FOXN2: variants seen among roughly 807,000 people sequenced by gnomAD.
FOXN2 encodes forkhead box protein N2.
FOXN2 carries 19 observed loss-of-function variants against 41.2 expected under a neutral mutation model. That is an observed-to-expected ratio of 0.46 (90% CI 0.32 to 0.68). The LOEUF (loss-of-function observed/expected upper bound fraction) is 0.68, where lower values mean the gene tolerates loss of function less well. FOXN2 is among the 30% of genes least tolerant of loss of function. FOXN2 has a pLI of 0.03. For synonymous variants in FOXN2, 195 were observed against 176.8 expected, an observed-to-expected ratio of 1.10 and a Z score of -0.82; for missense variants, 587 against 509.4, an observed-to-expected ratio of 1.15 and a Z score of -1.47.
intron 3 of FOXN2, among the ~76,000 whole-genome samples, chr2:48,357,147 G>A (rs540375472): frequency 1.3e-5 from 2 of 152,310 alleles, no homozygotes; most frequent in African/African-American, 4.8e-5. Context: ...GTGAAAGGAA[G>A]TGCTGCCATG....
intron 1 of FOXN2, among the ~76,000 whole-genome samples, chr2:48,316,592 A>C (rs919721161): frequency 6.6e-6 from 1 of 152,200 alleles, no homozygotes; most frequent in African/African-American, 2.4e-5. Flanking sequence ...AAAAATGTGA[A>C]GTTAATATGA....
chr2:48,373,083 A>G (rs546827038), intron 5 of FOXN2, among the ~76,000 whole-genome samples: 2 of 152,258 alleles, frequency 1.3e-5, no homozygotes, highest in Admixed American at 6.5e-5. Flanking sequence ...TTTACACTGT[A>G]TTGTTCACAA....
rs1016907506 is a variant in FOXN2 at position 48,377,429 on chromosome 2, G to A, written c.*1986G>A. On this transcript the variant is annotated 3_prime_UTR_variant, in exon 7 of 7. Transcript: ENST00000340553. ...ACAGTGTTTCAGTGATCTGGCACCA[G>A]TTTATTTTGTTCTGCTGAAATTCTG... 6.6e-6 allele frequency: 1 copy of A among 151,966 alleles called. No homozygotes were observed. Among genetic ancestry groups the A allele is most frequent in the Non-Finnish European group, 1.5e-5 (1 of 67,890 alleles). 9.4% of individuals were successfully genotyped at this position (151,966 alleles called of 1,614,324 possible). A position where few individuals can be genotyped will look rare whatever the true frequency, so the allele number is the denominator to read the frequency against.
Position 48,346,211 on chromosome 2 carries a change from G to C in FOXN2, c.-4G>C. The stretch of plus-strand genomic sequence containing the variant: ...TTTCCTTTGTTGCAGAACTGTAAGA[G>C]TAAATGGGTCCAGTAATTGGAATGA... On this transcript the variant is annotated 5_prime_UTR_variant, in exon 3 of 7. Coordinates refer to ENST00000340553, the MANE Select transcript of FOXN2 (RefSeq NM_002158.4). 1.3e-6 allele frequency: 2 copies of C among 1,597,596 alleles called. No individual in the cohort carries two copies. Among genetic ancestry groups the C allele is most frequent in the Non-Finnish European group, 1.7e-6 (2 of 1,173,188 alleles).
rs748731197 is a variant in FOXN2 at position 48,375,015 on chromosome 2, G to A, written c.868G>A (p.Asp290Asn). The A allele has an allele frequency of 2.0e-5, 33 of 1,613,906 alleles. No homozygotes were observed. The highest frequency in any genetic ancestry group is 2.7e-5 in the African/African-American group (2 of 74,920). The change falls in exon 7 of 7, where the codon GAT (aspartate) becomes AAT (asparagine). Residue 290 changes from aspartate to asparagine, a missense_variant. Physicochemically the swap from Asp to Asn is conservative, Grantham distance 23. Transcript: ENST00000340553. ...CAGTGCTGTACGATTACAAGAGAGT[G>A]ATTCTTTAGCCACCAGCATTGATCC... The part of the protein sequence containing the change: ...HPSAVRLQES[D>N]SLATSIDPKE...
intron 1 of FOXN2, among the ~76,000 whole-genome samples, chr2:48,315,865 C>T (rs539310427): frequency 6.6e-6 from 1 of 152,346 alleles, no homozygotes; most frequent in East Asian, 1.9e-4. Context: ...CTCTGAACTT[C>T]ATTTTCTCCC....
At chr2:48,359,711 G>A (rs1178677203) in intron 4 of FOXN2, among the ~76,000 whole-genome samples, 1 of 151,748 alleles carries the variant, frequency 6.6e-6, no homozygotes, top group Non-Finnish European at 1.5e-5. Flanking sequence ...CAGGAAATTG[G>A]TGACTTGAGA....
intron 2 of FOXN2, among the ~76,000 whole-genome samples, chr2:48,330,246 T>C (rs1318528164): frequency 6.6e-6 from 1 of 152,124 alleles, no homozygotes; most frequent in Admixed American, 6.5e-5. Context: ...TACCTTATTA[T>C]AATTAATAAA....
chr2:48,333,958 C>T (rs1029315103), intron 2 of FOXN2, among the ~76,000 whole-genome samples: 3 of 151,668 alleles, frequency 2.0e-5, no homozygotes, highest in African/African-American at 2.4e-5. Context: ...TATATTTGGC[C>T]CTAAGGTTTT....
At chr2:48,338,957 A>G (rs1162608751) in intron 2 of FOXN2, among the ~76,000 whole-genome samples, 1 of 152,212 alleles carries the variant, frequency 6.6e-6, no homozygotes, top group Non-Finnish European at 1.5e-5. Flanking sequence ...TTTGCATCAC[A>G]TATAAGTTAT....
In FOXN2 at chr2:48,359,875, AT is replaced by A. The variant is rs1379094660; in HGVS notation, c.638+734del. Among the ~76,000 whole-genome samples the A allele has an allele frequency of 8.0e-4, 122 of 152,212 alleles. 1 individual carries two copies. Among genetic ancestry groups the A allele is most frequent in the Non-Finnish European group, 5.9e-5 (4 of 67,974 alleles). On this transcript the variant is annotated intron_variant, in intron 4 of 6. Transcript: ENST00000340553. ...GAAGGAAATTAAAAATACATTTAAA[AT>A]TTTTTAACAAGATTATTAAGTTTGT...
At chr2:48,353,854 T>C (rs978691036) in intron 3 of FOXN2, among the ~76,000 whole-genome samples, 13 of 152,160 alleles carry the variant, frequency 8.5e-5, no homozygotes, top group Non-Finnish European at 1.6e-4. Context: ...TCTTTTTTTT[T>C]TAAACACTGT....
chr2:48,338,821 A>T (rs1317710546), intron 2 of FOXN2, among the ~76,000 whole-genome samples: 1 of 152,248 alleles, frequency 6.6e-6, no homozygotes, highest in Non-Finnish European at 1.5e-5. Flanking sequence ...GGCAAAAATT[A>T]TAAAACAAAC....
At chr2:48,348,043 C>A (rs1328441380) in intron 3 of FOXN2, among the ~76,000 whole-genome samples, 1 of 150,586 alleles carries the variant, frequency 6.6e-6, no homozygotes, top group Non-Finnish European at 1.5e-5. Context: ...ATGTGTTATT[C>A]TTTATTTTTA....
chr2:48,361,826 A>C (rs569122815), intron 4 of FOXN2, among the ~76,000 whole-genome samples: 1 of 152,308 alleles, frequency 6.6e-6, no homozygotes, highest in African/African-American at 2.4e-5. Context: ...AGAAAGTTTA[A>C]TTTTATGTTT....
intron 2 of FOXN2, among the ~76,000 whole-genome samples, chr2:48,345,999 A>G (rs1168356107): frequency 6.6e-6 from 1 of 152,202 alleles, no homozygotes. Flanking sequence ...CACTTTATTT[A>G]CAGCCATTTC....
At chr2:48,358,455 G>GA (rs1671951117) in intron 3 of FOXN2, among the ~76,000 whole-genome samples, 1 of 152,126 alleles carries the variant, frequency 6.6e-6, no homozygotes, top group South Asian at 2.1e-4. Flanking sequence ...CACATAGCCA[G>GA]TCAATAAGTA....
chr2:48,332,950 CA>C lies in FOXN2; in HGVS notation c.-15+4249del, dbSNP rs1216519557. Among the ~76,000 whole-genome samples the C allele has an allele frequency of 2.6e-5, 4 of 152,098 alleles. No individual in the cohort carries two copies. In the East Asian group the frequency reaches 5.8e-4, roughly 22 times the overall value. Reference sequence around the variant, plus strand: ...TGGTAATCCTTTGGTTCACTGTCTCCAGATGTGATTAATATCAAGGTAAATG... The same window carrying C: ...TGGTAATCCTTTGGTTCACTGTCTCCGATGTGATTAATATCAAGGTAAATG... On this transcript the variant is annotated intron_variant, in intron 2 of 6. Transcript: ENST00000340553.
At chr2:48,345,655 G>T (rs1329448360) in intron 2 of FOXN2, among the ~76,000 whole-genome samples, 1 of 151,836 alleles carries the variant, frequency 6.6e-6, no homozygotes, top group Non-Finnish European at 1.5e-5. Context: ...AAATAAAAAT[G>T]TTATCTCTTT....
Sources: allele counts gnomAD v4.1 joint callset (sites outside exome capture counted in the v4.1 genomes callset), GRCh38; gene constraint gnomAD v4.1.1; transcripts MANE v1.5; gene names NCBI Gene and HGNC (gene_info 2026-07-23, HGNC 2026-07-21).